The following TRAPPC9 variants were observed in gnomAD, a reference collection of about 807,000 sequenced individuals.
TRAPPC9 encodes IKK2 binding protein.
TRAPPC9 carries 83 observed loss-of-function variants against 124.0 expected under a neutral mutation model. The ratio of observed to expected loss-of-function variants is 0.67; its 90% CI spans 0.56 to 0.80. TRAPPC9 has a LOEUF of 0.80. Among genes scored for constraint, TRAPPC9 ranks in the 30% least tolerant of loss-of-function variants. The pLI is 0.00. For missense variants in TRAPPC9, 1,302 were observed against 1,508.3 expected, an observed-to-expected ratio of 0.86 and a Z score of 2.27; for synonymous variants, 638 against 617.5, an observed-to-expected ratio of 1.03 and a Z score of -0.49.
intron 17 of TRAPPC9, among the ~76,000 whole-genome samples, chr8:140,037,582 C>T (rs1840977003): frequency 6.6e-6 from 1 of 151,760 alleles, no homozygotes; most frequent in South Asian, 2.1e-4. Context: ...ACCACACACA[C>T]ACATACACAC....
At chr8:139,821,775 G>A (rs867024953) in intron 21 of TRAPPC9, among the ~76,000 whole-genome samples, 11 of 152,206 alleles carry the variant, frequency 7.2e-5, no homozygotes, top group African/African-American at 1.7e-4. Context: ...CACTGCGCAC[G>A]GGACCCGTGA....
At chr8:139,836,494 GTT>G (rs1826361314) in intron 21 of TRAPPC9, among the ~76,000 whole-genome samples, 1 of 152,244 alleles carries the variant, frequency 6.6e-6, no homozygotes, top group Non-Finnish European at 1.5e-5. Context: ...CAAGCTCAAG[GTT>G]CGGGAGGGAG....
intron 18 of TRAPPC9, among the ~76,000 whole-genome samples, chr8:140,001,301 A>G (rs1304814962): frequency 6.6e-6 from 1 of 152,090 alleles, no homozygotes; most frequent in Admixed American, 6.5e-5. Context: ...TGACGAGTTG[A>G]TGGGTGCAGC....
intron 21 of TRAPPC9, among the ~76,000 whole-genome samples, chr8:139,800,351 G>A (rs988126011): frequency 6.6e-6 from 1 of 152,246 alleles, no homozygotes; most frequent in Admixed American, 6.5e-5. Flanking sequence ...GCCATCCTGG[G>A]AGCATGTGCC....
intron 11 of TRAPPC9, among the ~76,000 whole-genome samples, chr8:140,291,500 C>A (rs2065659078): frequency 6.6e-6 from 1 of 152,208 alleles, no homozygotes; most frequent in African/African-American, 2.4e-5. Flanking sequence ...GTCTTCTCCT[C>A]CCCACCCACT....
chr8:140,313,756 G>A (rs2066371537), intron 9 of TRAPPC9, among the ~76,000 whole-genome samples: 1 of 152,130 alleles, frequency 6.6e-6, no homozygotes, highest in Non-Finnish European at 1.5e-5. Flanking sequence ...AGCTGCAGGG[G>A]CAGAAGCGAT....
chr8:139,962,541 A>G lies in TRAPPC9; in HGVS notation c.2810+26185T>C, dbSNP rs1835415144. Among the ~76,000 whole-genome samples, 3 of 124,584 alleles carry G rather than the reference A, an allele frequency of 2.4e-5. No homozygotes were observed. The Admixed American group carries it at 2.5e-4, about 11-fold the overall frequency. 81.7% of individuals were successfully genotyped at this position (124,584 alleles called of 152,430 possible). A position where few individuals can be genotyped will look rare whatever the true frequency, so the allele number is the denominator to read the frequency against. On this transcript the variant is annotated intron_variant, in intron 19 of 22. Coordinates refer to ENST00000438773, the MANE Select transcript of TRAPPC9 (RefSeq NM_001160372.4). Reference sequence around the variant, plus strand: ...GCCTCTTCCATCTAGTCATTGGAACATTTATCCATGTTGCCAGAATAAACT... The same window carrying G: ...GCCTCTTCCATCTAGTCATTGGAACGTTTATCCATGTTGCCAGAATAAACT...
At chr8:140,184,696 C>T (rs542493964) in intron 17 of TRAPPC9, among the ~76,000 whole-genome samples, 1 of 152,336 alleles carries the variant, frequency 6.6e-6, no homozygotes, top group East Asian at 1.9e-4. Flanking sequence ...TATCCACCTG[C>T]CTTGGCCTCC....
chr8:140,341,567 A>C (rs2067195328), intron 9 of TRAPPC9, among the ~76,000 whole-genome samples: 1 of 152,180 alleles, frequency 6.6e-6, no homozygotes, highest in Admixed American at 6.5e-5. Context: ...TTTGCATCAA[A>C]GGCTGTTCTC....
At chr8:140,183,965 GGAGGGA>G in intron 17 of TRAPPC9, among the ~76,000 whole-genome samples, 1 of 14,240 alleles carries the variant, frequency 7.0e-5, no homozygotes, top group African/African-American at 1.1e-4. Context: ...AGGGGAGGGA[GGAGGGA>G]GGAGGGAGGA....
At chr8:140,312,595 G>T (rs147351050) in intron 9 of TRAPPC9, among the ~76,000 whole-genome samples, 7 of 152,272 alleles carry the variant, frequency 4.6e-5, no homozygotes, top group African/African-American at 1.7e-4. Context: ...TGGACAAAGA[G>T]CAGGTAAGTA....
chr8:140,221,384 A>C, intron 17 of TRAPPC9, 75 bp downstream of exon 17: 1 of 1,598,720 alleles, frequency 6.3e-7, no homozygotes, highest in South Asian at 1.1e-5. Flanking sequence ...AAAAGGACTC[A>C]GAGCTGTGCT....
chr8:139,821,001 G>A (rs1825215711), intron 21 of TRAPPC9, among the ~76,000 whole-genome samples: 1 of 152,120 alleles, frequency 6.6e-6, no homozygotes, highest in African/African-American at 2.4e-5. Context: ...AATTTTATGT[G>A]GCAAAAGCCA....
At chr8:139,877,652 C>T (rs1017707763) in intron 21 of TRAPPC9, among the ~76,000 whole-genome samples, 2 of 152,120 alleles carry the variant, frequency 1.3e-5, no homozygotes, top group Non-Finnish European at 1.5e-5. Context: ...CCCCACTGCC[C>T]GTAGTCTGGC....
intron 9 of TRAPPC9, among the ~76,000 whole-genome samples, chr8:140,320,212 T>C (rs1159696313): frequency 6.6e-6 from 1 of 152,214 alleles, no homozygotes; most frequent in African/African-American, 2.4e-5. Context: ...AATAATGATA[T>C]TGATCTTTCA....
rs569525374 is a variant in TRAPPC9 at position 139,972,685 on chromosome 8, A to G, written c.2810+16041T>C. Reference sequence around the variant, plus strand: ...AAATCACAGGTGCTGTGGCCAAAGTATGTTTTATCTGTACCTCAACTAAGC... The same window carrying G: ...AAATCACAGGTGCTGTGGCCAAAGTGTGTTTTATCTGTACCTCAACTAAGC... On this transcript the variant is annotated intron_variant, in intron 19 of 22. Transcript: ENST00000438773. 8.5e-5 allele frequency among the ~76,000 whole-genome samples: 13 copies of G among 152,332 alleles called. No homozygotes were observed. In the South Asian group the frequency reaches 1.9e-3, roughly 22 times the overall value.
intron 9 of TRAPPC9, among the ~76,000 whole-genome samples, chr8:140,340,599 A>T (rs759493393): frequency 1.3e-5 from 2 of 152,232 alleles, no homozygotes; most frequent in Non-Finnish European, 2.9e-5. Context: ...TTATTTTTGC[A>T]GTTGAAAAAC....
Position 139,945,618 on chromosome 8 carries a change from C to T in TRAPPC9, c.2811-35318G>A, listed in dbSNP as rs115017110. ...AAAGACATAAATGAACTGAACAACA[C>T]GTGCAACTCCAGAGCTGGTGTGCAG... is the stretch of plus-strand genomic sequence containing the variant. On this transcript the variant is annotated intron_variant, in intron 19 of 22. Transcript: ENST00000438773. Among the ~76,000 whole-genome samples the T allele has an allele frequency of 4.4e-3, 637 of 145,578 alleles. 5 individuals are homozygous for T. Among genetic ancestry groups the T allele is most frequent in the African/African-American group, 0.015 (591 of 39,162 alleles).
chr8:140,421,512 T>A (rs2070207212), intron 5 of TRAPPC9, among the ~76,000 whole-genome samples: 1 of 152,194 alleles, frequency 6.6e-6, no homozygotes, highest in East Asian at 1.9e-4. Context: ...TCTATACATC[T>A]GAGAGATATT....
Sources: gnomAD v4.1 joint callset for allele counts (sites outside exome capture counted in the v4.1 genomes callset) on GRCh38, gnomAD v4.1.1 for gene constraint, MANE v1.5 for transcripts, NCBI Gene and HGNC (gene_info 2026-07-23, HGNC 2026-07-21) for gene names.